SEMA6D: variants seen among roughly 807,000 people sequenced by gnomAD.
SEMA6D encodes semaphorin-6D.
A neutral mutation model predicts 106.6 loss-of-function variants in SEMA6D; 35 were observed. The ratio of observed to expected loss-of-function variants is 0.33; its 90% CI spans 0.25 to 0.44. The LOEUF is 0.44. Ranked by LOEUF, SEMA6D falls within the 20% of genes least tolerant of loss-of-function variation. The pLI, the probability that SEMA6D is intolerant of heterozygous loss-of-function variation, is 1.00. For synonymous variants in SEMA6D, 499 were observed against 487.7 expected (o/e 1.02, Z -0.31); for missense variants, 1,185 against 1,345.9 (o/e 0.88, Z 1.87).
At chr15:47,700,739 A>G (rs1037544420) in intron 4 of SEMA6D, among the ~76,000 whole-genome samples, 1 of 152,164 alleles carries the variant, frequency 6.6e-6, no homozygotes, top group African/African-American at 2.4e-5. Flanking sequence ...AGCCTGGGCA[A>G]CATAGCAAGT....
At chr15:47,739,435 C>A (rs141903173) in intron 1 of SEMA6D, among the ~76,000 whole-genome samples, 104 of 152,266 alleles carry the variant, frequency 6.8e-4, no homozygotes, top group Non-Finnish European at 1.2e-3. Context: ...CAGTATTCCA[C>A]CACCCCCCGC....
intron 1 of SEMA6D, among the ~76,000 whole-genome samples, chr15:47,756,079 T>C (rs997271426): frequency 1.3e-5 from 2 of 152,046 alleles, no homozygotes; most frequent in Non-Finnish European, 2.9e-5. Flanking sequence ...GAGAAGTTCA[T>C]ATAAAATACC....
At chr15:47,605,463 T>G (rs1346537516) in intron 4 of SEMA6D, 1 of 152,138 alleles carries the variant, frequency 6.6e-6, no homozygotes, top group Non-Finnish European at 1.5e-5. Context: ...ACAATTCTAT[T>G]CAATTCTGAT....
Position 47,217,342 on chromosome 15 carries a change from A to T in SEMA6D, c.-239+32924A>T, listed in dbSNP as rs572127420. On this transcript the variant is annotated intron_variant, in intron 1 of 19. Transcript: ENST00000558014. Reference sequence around the variant, plus strand: ...TCACAGCTCAGGATTTACCCCAGTAACACACTTGCAAAAGTTTTCTAAGAT... The same window carrying T: ...TCACAGCTCAGGATTTACCCCAGTATCACACTTGCAAAAGTTTTCTAAGAT... Among the ~76,000 whole-genome samples, 5 of 152,290 alleles carry T rather than the reference A, an allele frequency of 3.3e-5. No individual in the cohort carries two copies. In the South Asian group the frequency reaches 1.0e-3, roughly 32 times the overall value.
chr15:47,540,399 T>C (rs1255048152), intron 3 of SEMA6D, among the ~76,000 whole-genome samples: 1 of 151,952 alleles, frequency 6.6e-6, no homozygotes, highest in African/African-American at 2.4e-5. Context: ...CCTTTGCCAC[T>C]AAGAAACAAA....
intron 1 of SEMA6D, among the ~76,000 whole-genome samples, chr15:47,736,491 T>C (rs1425794238): frequency 6.6e-6 from 1 of 152,246 alleles, no homozygotes; most frequent in African/African-American, 2.4e-5. Flanking sequence ...AATTTGTTTA[T>C]GAAAACACAG....
chr15:47,223,843 CAT>C (rs1461711731), intron 1 of SEMA6D, among the ~76,000 whole-genome samples: 1 of 152,028 alleles, frequency 6.6e-6, no homozygotes, highest in African/African-American at 2.4e-5. Context: ...TCTTTGGTTA[CAT>C]TCTCTTACTC....
intron 1 of SEMA6D, among the ~76,000 whole-genome samples, chr15:47,356,945 A>G (rs2038597251): frequency 3.3e-5 from 5 of 152,230 alleles, no homozygotes. Context: ...GTTTGTGATC[A>G]TATAGGGGAA....
intron 1 of SEMA6D, among the ~76,000 whole-genome samples, chr15:47,241,630 T>A (rs1174227791): frequency 6.6e-6 from 1 of 151,154 alleles, no homozygotes; most frequent in East Asian, 1.9e-4. Context: ...TAACTTAGAT[T>A]GTCAAACCAA....
rs545160757 is a variant in SEMA6D, at chr15:47,400,465, G to C, written c.-238-11928G>C. Among the ~76,000 whole-genome samples, 3 of 139,746 alleles carry C rather than the reference G, an allele frequency of 2.1e-5. No homozygotes were observed. The East Asian group carries it at 6.9e-4, about 32-fold the overall frequency. The allele number at this position is 139,746 out of a possible 152,430, so 91.7% of individuals were successfully genotyped here. ...GATCATGCCACTGCTCTCCAGCCTG[G>C]GAGACGGAGAGAGACTCTGTCTCAA... On this transcript the variant is annotated intron_variant, in intron 1 of 19. Transcript: ENST00000558014.
chr15:47,670,280 T>A (rs1309893169), intron 4 of SEMA6D, among the ~76,000 whole-genome samples: 3 of 152,216 alleles, frequency 2.0e-5, no homozygotes, highest in African/African-American at 7.2e-5. Flanking sequence ...TTATGAATAG[T>A]AATGTGTTCT....
At chr15:47,292,477 T>C (rs1272852791) in intron 1 of SEMA6D, among the ~76,000 whole-genome samples, 1 of 151,864 alleles carries the variant, frequency 6.6e-6, no homozygotes, top group Non-Finnish European at 1.5e-5. Context: ...TGGCAATGCT[T>C]TCTTTTTTTT....
At chr15:47,452,751 G>A (rs1458313774) in intron 2 of SEMA6D, among the ~76,000 whole-genome samples, 1 of 151,620 alleles carries the variant, frequency 6.6e-6, no homozygotes, top group Non-Finnish European at 1.5e-5. Context: ...CTTCTCTTTG[G>A]CACATTTTGG....
chr15:47,507,390 G>T (rs530334065), intron 3 of SEMA6D, among the ~76,000 whole-genome samples: 13 of 126,834 alleles, frequency 1.0e-4, no homozygotes, highest in African/African-American at 3.7e-4. Context: ...ACCAGATGCT[G>T]CCTGAGTCGG....
chr15:47,607,387 A>G (rs927760253), intron 4 of SEMA6D, among the ~76,000 whole-genome samples: 6 of 152,202 alleles, frequency 3.9e-5, no homozygotes, highest in Non-Finnish European at 8.8e-5. Flanking sequence ...ATCAAGATTA[A>G]TGACTGTCTC....
intron 1 of SEMA6D, among the ~76,000 whole-genome samples, chr15:47,297,651 G>T (rs996169287): frequency 6.6e-6 from 1 of 152,034 alleles, no homozygotes; most frequent in Non-Finnish European, 1.5e-5. Context: ...AATAACTACG[G>T]TTATTACAAA....
chr15:47,707,000 T>A (rs1275942663), intron 4 of SEMA6D, among the ~76,000 whole-genome samples: 1 of 152,234 alleles, frequency 6.6e-6, no homozygotes. Flanking sequence ...AGAATTAAAA[T>A]TATATCCTAT....
chr15:47,337,421 G>C (rs1335269559), intron 1 of SEMA6D, among the ~76,000 whole-genome samples: 1 of 152,190 alleles, frequency 6.6e-6, no homozygotes, highest in Non-Finnish European at 1.5e-5. Context: ...TGATAACCCT[G>C]AGGGCTACAA....
chr15:47,526,645 T>C (rs1181651928), intron 3 of SEMA6D, among the ~76,000 whole-genome samples: 5 of 152,214 alleles, frequency 3.3e-5, no homozygotes, highest in Non-Finnish European at 5.9e-5. Context: ...TTTTCTCCCC[T>C]GCCAGAAATG....
Sources: gnomAD v4.1 joint callset for allele counts (sites outside exome capture counted in the v4.1 genomes callset) on GRCh38, gnomAD v4.1.1 for gene constraint, MANE v1.5 for transcripts, NCBI Gene and HGNC (gene_info 2026-07-23, HGNC 2026-07-21) for gene names.